NOC2L: variants seen among roughly 807,000 people sequenced by gnomAD.
NOC2L encodes nucleolar complex protein 2 homolog.
A neutral mutation model predicts 94.2 loss-of-function variants in NOC2L; 101 were observed. The ratio of observed to expected loss-of-function variants is 1.07; its 90% CI spans 0.91 to 1.26. NOC2L has a LOEUF of 1.26. NOC2L is among the 50% of genes most tolerant of loss of function. The probability of loss-of-function intolerance (pLI) is 0.00; values close to 1 mark genes in which losing one functional copy is unlikely to be tolerated. For missense variants in NOC2L, 1,076 were observed against 980.1 expected, an observed-to-expected ratio of 1.10 and a Z score of -1.31; for synonymous variants, 531 against 413.4, an observed-to-expected ratio of 1.28 and a Z score of -3.45.
rs1569929807 is a variant in NOC2L, at chr1:944,810, G to A, written c.2144-10C>T. On this transcript the variant is annotated splice_polypyrimidine_tract_variant and intron_variant, in intron 18 of 18. Coordinates refer to ENST00000327044, the MANE Select transcript of NOC2L (RefSeq NM_015658.4). Reference sequence around the variant, plus strand: ...GCGTCTGGGTCTCCATCTGCGGGGAGAGATGGAGGCTACATAAATTTTGCT... The same window carrying A: ...GCGTCTGGGTCTCCATCTGCGGGGAAAGATGGAGGCTACATAAATTTTGCT... 1 of 1,531,360 alleles carries A rather than the reference G, an allele frequency of 6.5e-7. No individual in the cohort carries two copies. The highest frequency in any genetic ancestry group is 8.9e-7 in the Non-Finnish European group (1 of 1,126,170). The allele number at this position is 1,531,360 out of a possible 1,614,324, so 94.9% of individuals were successfully genotyped here. A position where few individuals can be genotyped will look rare whatever the true frequency, so the allele number is the denominator to read the frequency against.
chr1:951,163 C>T lies in NOC2L; in HGVS notation c.1407G>A (p.Ser469=), dbSNP rs149730893. ...AAGGCAGCACCGGGATGAAGGCCCC[C>T]GAGCTCCCCGAGAGCAGCGTCAGGG... ...IRALTLLSGS[S]GAFIPVLPFI... Residue 469 remains serine (S), a synonymous_variant, in exon 12 of 19, where the codon TCG becomes TCA. Coordinates refer to ENST00000327044, the MANE Select transcript of NOC2L (RefSeq NM_015658.4). 84 of 1,593,552 alleles carry T rather than the reference C, an allele frequency of 5.3e-5. No individual in the cohort carries two copies. Among genetic ancestry groups the T allele is most frequent in the African/African-American group, 4.0e-4 (30 of 74,696 alleles).
chr1:951,800 C>T (rs2100388038), intron 11 of NOC2L, among the ~76,000 whole-genome samples, 200 bp downstream of exon 11: 1 of 152,382 alleles, frequency 6.6e-6, no homozygotes, highest in East Asian at 1.9e-4. Context: ...GCTCATGTCA[C>T]AGGTGCCCAC....
chr1:945,442 G>A (rs1642077685), intron 17 of NOC2L, 76 bp downstream of exon 17: 20 of 1,546,072 alleles, frequency 1.3e-5, no homozygotes, highest in Non-Finnish European at 1.7e-5. Context: ...GGGTACAGGT[G>A]GCCCTCGTGG....
intron 13 of NOC2L, 79 bp downstream of exon 13, chr1:948,410 CA>C (rs1373441026): frequency 2.6e-6 from 3 of 1,161,614 alleles, no homozygotes; most frequent in African/African-American, 1.5e-5. Flanking sequence ...TGGAGGATGC[CA>C]GCCCCCTCCC....
intron 4 of NOC2L, among the ~76,000 whole-genome samples, chr1:956,464 C>A (rs1395708995): frequency 1.3e-5 from 2 of 152,144 alleles, no homozygotes; most frequent in Non-Finnish European, 2.9e-5. Flanking sequence ...GGACTATGGC[C>A]ACCTCCAGGT....
intron 14 of NOC2L, chr1:947,133 T>C (rs762240510): frequency 1.3e-5 from 2 of 152,548 alleles, no homozygotes; most frequent in African/African-American, 4.8e-5. Flanking sequence ...GGTTCTGCAG[T>C]TGCCTGTGCA....
chr1:952,940 G>C (rs976796145), intron 9 of NOC2L, among the ~76,000 whole-genome samples: 1 of 152,172 alleles, frequency 6.6e-6, no homozygotes, highest in African/African-American at 2.4e-5. Context: ...CCCTCCCCTG[G>C]GGAAGCTGTG....
intron 12 of NOC2L, 84 bp downstream of exon 12, chr1:951,043 C>T: frequency 1.8e-6 from 2 of 1,090,432 alleles, no homozygotes; most frequent in Non-Finnish European, 2.7e-6. Context: ...AGTCGCCGGA[C>T]AACTCAGCAC....
Position 957,096 on chromosome 1 carries a change from C to A in NOC2L, c.354+3G>T, listed in dbSNP as rs867598269. The A allele has an allele frequency of 1.9e-6, 3 of 1,613,942 alleles. No individual in the cohort carries two copies. The highest frequency in any genetic ancestry group is 8.5e-7 in the Non-Finnish European group (1 of 1,180,016). On this transcript the variant is annotated splice_donor_region_variant and intron_variant, in intron 3 of 18. Coordinates refer to ENST00000327044, the MANE Select transcript of NOC2L (RefSeq NM_015658.4). ...CCCCTTCTGGTTTGGCCCACGCCCT[C>A]ACCTCCAGCACATCTGGCAGGGAGT...
Position 953,872 on chromosome 1 carries a change from C to G in NOC2L, c.798G>C (p.Glu266Asp). ...SAIQLVSCLS[E>D]TTVLAAVLRH... ...GCAGCACGGCCGCCAACACCGTCGT[C>G]TCCGACAGACAGGACACCAGCTGGG... is the stretch of plus-strand genomic sequence containing the variant. The change falls in exon 8 of 19, where the codon GAG becomes GAC. Residue 266 changes from glutamate to aspartate, a missense_variant. By Grantham distance (45) the Glu-to-Asp change is conservative (BLOSUM62 2). Transcript: ENST00000327044. 1 of 1,613,240 alleles carries G rather than the reference C, an allele frequency of 6.2e-7. No homozygotes were observed. The highest frequency in any genetic ancestry group is 1.1e-5 in the South Asian group (1 of 91,088).
chr1:945,367 C>T, intron 17 of NOC2L, 151 bp downstream of exon 17: 1 of 1,058,316 alleles, frequency 9.4e-7, no homozygotes, highest in Non-Finnish European at 1.3e-6. Flanking sequence ...GCGCTGGCAC[C>T]AGAAGCCTGG....
In NOC2L at chr1:945,038, T is replaced by C. The variant is rs1642057747; in HGVS notation, c.2143+19A>G. 2 of 1,613,792 alleles carry C rather than the reference T, an allele frequency of 1.2e-6. No individual in the cohort carries two copies. Among genetic ancestry groups the C allele is most frequent in the Middle Eastern group, 1.7e-4 (1 of 6,060 alleles). On this transcript the variant is annotated intron_variant, in intron 18 of 18. Transcript: ENST00000327044. ...GATGGGCTCACAGGGCCACACCCTC[T>C]CACCCCAAGACCATTCACCCTCCGA... is the stretch of plus-strand genomic sequence containing the variant.
chr1:959,149 A>T, intron 1 of NOC2L, 66 bp downstream of exon 1: 1 of 1,612,052 alleles, frequency 6.2e-7, no homozygotes, highest in East Asian at 2.2e-5. Flanking sequence ...GAGAGGAGCA[A>T]GAAAAGCCCC....
intron 2 of NOC2L, chr1:957,478 G>A (rs1452350424): frequency 3.1e-5 from 18 of 584,344 alleles, no homozygotes; most frequent in East Asian, 8.7e-5. Context: ...CCCCCCAGCC[G>A]CGGTCTTCCC....
At chr1:948,706 G>A (rs897371797) in intron 12 of NOC2L, 103 bp from the exon 13 acceptor site, 13 of 995,938 alleles carry the variant, frequency 1.3e-5, no homozygotes, top group Middle Eastern at 2.1e-4. Context: ...CCCTGCACCT[G>A]GCTGCACCCT....
intron 8 of NOC2L, among the ~76,000 whole-genome samples, 188 bp downstream of exon 8, chr1:953,594 C>A (rs893190881): frequency 6.6e-6 from 1 of 152,248 alleles, no homozygotes; most frequent in African/African-American, 2.4e-5. Context: ...CCCGGGCAGG[C>A]AGGGACTGCC....
intron 2 of NOC2L, chr1:958,624 C>T (rs1642483806): frequency 1.7e-6 from 1 of 592,472 alleles, no homozygotes; most frequent in Non-Finnish European, 3.2e-6. Context: ...CTTTCCCTCC[C>T]CAGCACTTAT....
rs770866559 is a variant in NOC2L at position 955,968 on chromosome 1, C to T, written c.653G>A (p.Cys218Tyr). Residue 218 changes from cysteine (C) to tyrosine (Y), a missense_variant, in exon 6 of 19, where the codon TGT becomes TAT. Cys to Tyr is a radical substitution (Grantham distance 194, BLOSUM62 -2). Around this residue, in one of 3 missense-constraint regions of NOC2L, gnomAD observed 457 missense variants for 386.0 expected, o/e 1.18. Coordinates refer to ENST00000327044, the MANE Select transcript of NOC2L (RefSeq NM_015658.4). ...VTFCIRDLIG[C>Y]LQKLLFGKVA... ...CTTTCCAAACAGCAGCTTCTGGAGA[C>T]AGCCAATGAGGTCTCTGATGCAGAA... is the stretch of plus-strand genomic sequence containing the variant. 2 of 1,613,930 alleles carry T rather than the reference C, an allele frequency of 1.2e-6. No individual in the cohort carries two copies. The highest frequency in any genetic ancestry group is 1.1e-5 in the South Asian group (1 of 91,064).
At position 944,259 on chromosome 1, in the gene NOC2L, C is replaced by A; in HGVS notation, c.*435G>T. The A allele has an allele frequency of 6.9e-7, 1 of 1,452,972 alleles. No homozygotes were observed. The highest frequency in any genetic ancestry group is 9.1e-7 in the Non-Finnish European group (1 of 1,104,396). The allele number at this position is 1,452,972 out of a possible 1,614,324, so 90.0% of individuals were successfully genotyped here. ...ATTTCTTTCGGTTTCGGATGCAAAA[C>A]AAAAAATTTTAAAAGAAAATGTGAC... On this transcript the variant is annotated 3_prime_UTR_variant, in exon 19 of 19. Coordinates refer to ENST00000327044, the MANE Select transcript of NOC2L (RefSeq NM_015658.4).
Sources: gnomAD v4.1 joint callset for allele counts (sites outside exome capture counted in the v4.1 genomes callset) on GRCh38, gnomAD v4.1.1 for gene constraint, gnomAD v4.1.1 regional missense constraint, MANE v1.5 for transcripts, NCBI Gene and HGNC (gene_info 2026-07-23, HGNC 2026-07-21) for gene names.